NUAK2: variants seen among roughly 807,000 people sequenced by gnomAD.
NUAK2 encodes the protein NUAK family kinase 2.
A neutral mutation model predicts 29.8 loss-of-function variants in NUAK2; 20 were observed. The observed-to-expected ratio is 0.67, with a 90% CI of 0.47 to 0.98. The LOEUF (loss-of-function observed/expected upper bound fraction) is 0.98. NUAK2 is among the 50% of genes least tolerant of loss of function. The pLI, the probability that NUAK2 is intolerant of heterozygous loss-of-function variation, is 0.00. For missense variants in NUAK2, 719 were observed against 834.5 expected, an observed-to-expected ratio of 0.86 and a Z score of 1.71; for synonymous variants, 331 against 342.6, an observed-to-expected ratio of 0.97 and a Z score of 0.37.
At chr1:205,319,941 ACACACACACACC>A (rs1210821876) in intron 1 of NUAK2, among the ~76,000 whole-genome samples, 1 of 151,830 alleles carries the variant, frequency 6.6e-6, no homozygotes, top group Non-Finnish European at 1.5e-5. Context: ...ACACACACAC[ACACACACACACC>A]CCCTCACAAC....
intron 1 of NUAK2, among the ~76,000 whole-genome samples, chr1:205,317,597 C>G (rs1310392507): frequency 2.0e-5 from 3 of 152,332 alleles, no homozygotes. Flanking sequence ...CATCCTCCAG[C>G]CCCCTCTACC....
At chr1:205,319,937 A>G (rs2102261954) in intron 1 of NUAK2, among the ~76,000 whole-genome samples, 1 of 152,004 alleles carries the variant, frequency 6.6e-6, no homozygotes, top group East Asian at 1.9e-4. Flanking sequence ...ACACACACAC[A>G]CACACACACA....
At chr1:205,315,911 C>T (rs1234786243) in intron 1 of NUAK2, among the ~76,000 whole-genome samples, 3 of 151,892 alleles carry the variant, frequency 2.0e-5, no homozygotes, top group Non-Finnish European at 2.9e-5. Context: ...TGACTAAAAC[C>T]AAGGAAGAGG....
Position 205,308,502 on chromosome 1 carries a change from G to A in NUAK2, c.504+79C>T. ...TCTGTGTGATCCTGGACAAGTCATG[G>A]AACCTCTCTGGTCCAAAACAGCCCT... On this transcript the variant is annotated intron_variant, in intron 3 of 6. Coordinates refer to ENST00000367157, the MANE Select transcript of NUAK2 (RefSeq NM_030952.3). This position sits in a 1 kb window ranked among gnomAD's most constrained non-coding sequence, Gnocchi z 4.1. 2 of 1,479,504 alleles carry A rather than the reference G, an allele frequency of 1.4e-6. No individual in the cohort carries two copies. The highest frequency in any genetic ancestry group is 2.3e-5 in the East Asian group (1 of 43,724). The allele number at this position is 1,479,504 out of a possible 1,614,324, so 91.6% of individuals were successfully genotyped here.
chr1:205,308,484 G>T lies in NUAK2; in HGVS notation c.504+97C>A. On this transcript the variant is annotated intron_variant, in intron 3 of 6. Coordinates refer to ENST00000367157, the MANE Select transcript of NUAK2 (RefSeq NM_030952.3). The surrounding 1 kb of genome is among the most constrained non-coding windows in gnomAD (Gnocchi z 4.1). ...TCTAGTTTTGCCTCTGTTTCTGTGT[G>T]ATCCTGGACAAGTCATGGAACCTCT... The T allele has an allele frequency of 1.5e-6, 2 of 1,346,726 alleles. No homozygotes were observed. Among genetic ancestry groups the T allele is most frequent in the Non-Finnish European group, 2.1e-6 (2 of 961,048 alleles). 83.4% of individuals were successfully genotyped at this position (1,346,726 alleles called of 1,614,324 possible).
chr1:205,310,888 T>A (rs1227288303), intron 2 of NUAK2, among the ~76,000 whole-genome samples: 1 of 152,146 alleles, frequency 6.6e-6, no homozygotes, highest in East Asian at 1.9e-4. Flanking sequence ...TTAATCTTTC[T>A]ATGAACACGA....
At chr1:205,310,561 G>A (rs1306454395) in intron 2 of NUAK2, among the ~76,000 whole-genome samples, 1 of 152,108 alleles carries the variant, frequency 6.6e-6, no homozygotes, top group African/African-American at 2.4e-5. Flanking sequence ...GGAGATATGA[G>A]TGTAAGGCAC....
At position 205,304,219 on chromosome 1, in the gene NUAK2, G is replaced by A. The variant is rs768146177; in HGVS notation, c.1118C>T (p.Ser373Leu). Reference sequence around the variant, plus strand: ...ATTCTCCTTGCGGGACTTCTTGAGCGAATGCTGGCGCTCCAGGCCAGGGGT... The same window carrying A: ...ATTCTCCTTGCGGGACTTCTTGAGCAAATGCTGGCGCTCCAGGCCAGGGGT... Reference protein sequence around the residue: ...STTPGLERQHSLKKSRKENDM... With the variant: ...STTPGLERQHLLKKSRKENDM... The change falls in exon 7 of 7, where the codon TCG (serine) becomes TTG (leucine). Residue 373 changes from serine to leucine, a missense_variant. By Grantham distance (145) the Ser-to-Leu change is moderately radical. Around this residue, in one of 3 missense-constraint regions of NUAK2, gnomAD observed 430 missense variants for 465.7 expected, o/e 0.92. Transcript: ENST00000367157. The surrounding 1 kb of genome is among the most constrained non-coding windows in gnomAD (Gnocchi z 6.5). 15 of 1,614,058 alleles carry A rather than the reference G, an allele frequency of 9.3e-6. No homozygotes were observed. Among genetic ancestry groups the A allele is most frequent in the Non-Finnish European group, 1.3e-5 (15 of 1,180,032 alleles).
intron 1 of NUAK2, among the ~76,000 whole-genome samples, chr1:205,316,444 G>A (rs1419583518): frequency 1.3e-5 from 2 of 152,154 alleles, no homozygotes; most frequent in Non-Finnish European, 2.9e-5. Context: ...GGCTCCAAGA[G>A]CACTGGAGAG....
At chr1:205,307,939 T>C (rs573211998) in intron 4 of NUAK2, among the ~76,000 whole-genome samples, 1 of 152,302 alleles carries the variant, frequency 6.6e-6, no homozygotes, top group South Asian at 2.1e-4. Context: ...CACGTGCTAG[T>C]TGTGTGATCT....
chr1:205,303,283 A>G lies in NUAK2; in HGVS notation c.*167T>C, dbSNP rs1662112120. ...AGACACTGAACCCTTGGCGCATTTC[A>G]TTTGCCTACTTCCCATATCCAGCCC... On this transcript the variant is annotated 3_prime_UTR_variant, in exon 7 of 7. Transcript: ENST00000367157. The G allele has an allele frequency of 5.7e-6, 3 of 525,788 alleles. No homozygotes were observed. The African/African-American group carries it at 5.9e-5, about 10-fold the overall frequency. The allele number at this position is 525,788 out of a possible 1,614,324, so 32.6% of individuals were successfully genotyped here. A position where few individuals can be genotyped will look rare whatever the true frequency, so the allele number is the denominator to read the frequency against.
chr1:205,311,559 T>C, intron 2 of NUAK2, 146 bp downstream of exon 2: 1 of 1,000,142 alleles, frequency 1.0e-6, no homozygotes, highest in Non-Finnish European at 1.4e-6. Flanking sequence ...TACAGCTGAG[T>C]TTCAAATCCA....
At chr1:205,314,300 C>A (rs1435036832) in intron 1 of NUAK2, among the ~76,000 whole-genome samples, 2 of 152,184 alleles carry the variant, frequency 1.3e-5, no homozygotes, top group African/African-American at 2.4e-5. Flanking sequence ...CAATGGCAGG[C>A]GGGAGGGATG....
rs1439948275 is a variant in NUAK2 at position 205,303,785 on chromosome 1, G to C, written c.1552C>G (p.Pro518Ala). 6.4e-7 allele frequency: 1 copy of C among 1,561,538 alleles called. No individual in the cohort carries two copies. Among genetic ancestry groups the C allele is most frequent in the Admixed American group, 1.9e-5 (1 of 53,214 alleles). The change falls in exon 7 of 7, where the codon CCC becomes GCC. Residue 518 changes from proline (P) to alanine (A), a missense_variant. Around this residue, in one of 3 missense-constraint regions of NUAK2, gnomAD observed 430 missense variants for 465.7 expected, o/e 0.92. Transcript: ENST00000367157. ...FSQTALELAA[P>A]TTFGSLDELA... ...TCATCCAGGGAGCCGAAGGTGGTGGGGGCCGCGAGCTCCAAGGCTGTCTGG... is the reference window on the plus strand; with the variant it reads ...TCATCCAGGGAGCCGAAGGTGGTGGCGGCCGCGAGCTCCAAGGCTGTCTGG...
rs1350331641 is a variant in NUAK2, at chr1:205,308,236, A to G, written c.505-6T>C. 1 of 1,596,804 alleles carries G rather than the reference A, an allele frequency of 6.3e-7. No individual in the cohort carries two copies. The highest frequency in any genetic ancestry group is 1.1e-5 in the South Asian group (1 of 89,756). On this transcript the variant is annotated splice_polypyrimidine_tract_variant and splice_region_variant and intron_variant, in intron 3 of 6. Transcript: ENST00000367157. This position sits in a 1 kb window ranked among gnomAD's most constrained non-coding sequence, Gnocchi z 4.1. ...TCTCGGTGGACAACTCTGTTCTGAA[A>G]GAAGGAGAGGGCAGTCACGGGAAGG...
chr1:205,318,602 C>T (rs1375438994), intron 1 of NUAK2, among the ~76,000 whole-genome samples: 8 of 152,244 alleles, frequency 5.3e-5, no homozygotes, highest in Admixed American at 3.9e-4. Context: ...TACACTTGGA[C>T]TCACGGCCCT....
chr1:205,305,619 G>T, intron 5 of NUAK2: 1 of 596,572 alleles, frequency 1.7e-6, no homozygotes, highest in Non-Finnish European at 2.1e-6. Flanking sequence ...TGGGTGCTGG[G>T]AAAGGTAACA....
At position 205,305,252 on chromosome 1, in the gene NUAK2, A is replaced by C; in HGVS notation, c.770T>G (p.Ile257Ser). ...CCCGTTGCTGATCTGTTTCACTAGG[A>C]TCTTATGGTCATGCCCATCAAAGGG... ...TMPFDGHDHK[I>S]LVKQISNGAY... Residue 257 changes from isoleucine to serine, a missense_variant, in exon 6 of 7, where the codon ATC becomes AGC. This residue lies in a region of NUAK2 where 283 missense variants were observed against 345.6 expected (regional missense o/e 0.82). Transcript: ENST00000367157. 6.2e-7 allele frequency: 1 copy of C among 1,614,194 alleles called. No individual in the cohort carries two copies. The highest frequency in any genetic ancestry group is 8.5e-7 in the Non-Finnish European group (1 of 1,180,018).
rs369890849 is a variant in NUAK2, at chr1:205,305,179, C to G, written c.823+20G>C. The G allele has an allele frequency of 1.9e-6, 3 of 1,610,808 alleles. No individual in the cohort carries two copies. The highest frequency in any genetic ancestry group is 1.3e-5 in the African/African-American group (1 of 74,850). On this transcript the variant is annotated intron_variant, in intron 6 of 6. Transcript: ENST00000367157. ...AGGACACCCCAGGCCTGGATAAGAA[C>G]GCCCACACCTCTTACTCACCAGAGG...
Sources: gnomAD v4.1 joint callset for allele counts (sites outside exome capture counted in the v4.1 genomes callset) on GRCh38, gnomAD v4.1.1 for gene constraint, gnomAD v4.1.1 regional missense constraint, Gnocchi (gnomAD v3.1) non-coding constraint, MANE v1.5 for transcripts, NCBI Gene and HGNC (gene_info 2026-07-23, HGNC 2026-07-21) for gene names.